Variants in PRELID2 observed in about 807,000 individuals in gnomAD.
PRELID2 encodes PRELI domain containing 2.
A neutral mutation model predicts 28.4 loss-of-function variants in PRELID2; 25 were observed. The ratio of observed to expected loss-of-function variants is 0.88; its 90% CI spans 0.64 to 1.23. The LOEUF is 1.23. PRELID2 is among the 50% of genes most tolerant of loss of function. The pLI, the probability that PRELID2 is intolerant of heterozygous loss-of-function variation, is 0.00. For synonymous variants in PRELID2, 76 were observed against 71.6 expected, an observed-to-expected ratio of 1.06 and a Z score of -0.31; for missense variants, 201 against 214.4, an observed-to-expected ratio of 0.94 and a Z score of 0.39.
chr5:145,497,150 C>A (rs1752316444), intron 1 of PRELID2, among the ~76,000 whole-genome samples: 1 of 152,162 alleles, frequency 6.6e-6, no homozygotes, highest in Admixed American at 6.5e-5. Flanking sequence ...AGGCATGAGC[C>A]ACCATGCCCA....
At chr5:145,423,453 C>T in the PRELID2 span, among the ~76,000 whole-genome samples, 1,052 of 152,224 alleles carry the variant, frequency 6.9e-3, 10 homozygotes, top group Admixed American at 0.014. Context: ...TCTTTTTTCT[C>T]TGGACTTCCC....
At chr5:145,259,280 G>A in the PRELID2 span, among the ~76,000 whole-genome samples, 31 of 152,198 alleles carry the variant, frequency 2.0e-4, no homozygotes, top group Non-Finnish European at 1.3e-4. Flanking sequence ...CTGGGGCACT[G>A]CCTAGTGGAG....
At chr5:145,641,924 T>G (rs1754114062) in intron 1 of PRELID2, among the ~76,000 whole-genome samples, 1 of 152,242 alleles carries the variant, frequency 6.6e-6, no homozygotes, top group Non-Finnish European at 1.5e-5. Context: ...TTGATGGACA[T>G]TTGGGTTGGT....
chr5:145,700,906 T>C (rs953494349), intron 1 of PRELID2, among the ~76,000 whole-genome samples: 5 of 152,006 alleles, frequency 3.3e-5, no homozygotes, highest in Non-Finnish European at 7.4e-5. Flanking sequence ...ACAGAGACTA[T>C]GGCTGCCCAT....
rs756228005 is a variant in PRELID2, at chr5:145,759,514, T to G, written c.*1022A>C. ...GCTTCCATTTCCTGGACTTCTACTA[T>G]GTACTAGGCAGTGTGCTAGGTACTT... is the stretch of plus-strand genomic sequence containing the variant. On this transcript the variant is annotated 3_prime_UTR_variant, in exon 7 of 7. Transcript: ENST00000683046. 14 of 152,244 alleles carry G rather than the reference T, an allele frequency of 9.2e-5. No homozygotes were observed. The highest frequency in any genetic ancestry group is 2.6e-4 in the Admixed American group (4 of 15,278). The allele number at this position is 152,244 out of a possible 1,614,324, so 9.4% of individuals were successfully genotyped here.
At chr5:145,415,955 T>C in the PRELID2 span, among the ~76,000 whole-genome samples, 12 of 152,218 alleles carry the variant, frequency 7.9e-5, no homozygotes, top group South Asian at 2.3e-3. Flanking sequence ...GTTTCCTGAC[T>C]TTTTAATGAT....
the PRELID2 span, among the ~76,000 whole-genome samples, chr5:145,352,133 A>G: frequency 1.3e-5 from 2 of 151,758 alleles, no homozygotes; most frequent in East Asian, 3.9e-4. Flanking sequence ...TTCTCCTCAC[A>G]CCTCCTCTAG....
At chr5:145,280,491 G>A in the PRELID2 span, among the ~76,000 whole-genome samples, 6 of 152,170 alleles carry the variant, frequency 3.9e-5, no homozygotes, top group East Asian at 1.2e-3. Flanking sequence ...ATGCATGTGA[G>A]TGTCTATGTA....
At chr5:145,551,294 G>A (rs7731273) in intron 1 of PRELID2, among the ~76,000 whole-genome samples, 1,838 of 151,958 alleles carry the variant, frequency 0.012, 45 homozygotes, top group African/African-American at 0.042. Context: ...CCAGCTACTC[G>A]GGAGGCTGAG....
intron 1 of PRELID2, among the ~76,000 whole-genome samples, chr5:145,695,620 G>A (rs998143431): frequency 6.6e-6 from 1 of 152,136 alleles, no homozygotes; most frequent in African/African-American, 2.4e-5. Flanking sequence ...TTGCAGGTAG[G>A]CTGCAATGAT....
chr5:145,817,220 A>T (rs142382686), intron 4 of PRELID2, among the ~76,000 whole-genome samples: 20,782 of 58,500 alleles, frequency 0.36, 5,680 homozygotes, highest in Non-Finnish European at 0.58. Flanking sequence ...AATAAAAAAA[A>T]ATATATATAT....
At chr5:145,812,457 T>C (rs1581252827) in intron 4 of PRELID2, among the ~76,000 whole-genome samples, 1 of 152,334 alleles carries the variant, frequency 6.6e-6, no homozygotes, top group East Asian at 1.9e-4. Flanking sequence ...GCCATCTTAC[T>C]TCATACAAGT....
downstream of PRELID2, among the ~76,000 whole-genome samples, chr5:145,752,559 C>T (rs1757152152): frequency 6.6e-6 from 1 of 152,140 alleles, no homozygotes; most frequent in South Asian, 2.1e-4. Context: ...CACTATAGAC[C>T]TCCATGCTAC....
At chr5:145,517,152 T>G (rs966398842) in intron 1 of PRELID2, among the ~76,000 whole-genome samples, 1 of 152,004 alleles carries the variant, frequency 6.6e-6, no homozygotes, top group Non-Finnish European at 1.5e-5. Context: ...CTAATTAAAC[T>G]AAAGAGCTTC....
the PRELID2 span, among the ~76,000 whole-genome samples, chr5:145,281,396 T>A: frequency 6.6e-6 from 1 of 152,210 alleles, no homozygotes; most frequent in Non-Finnish European, 1.5e-5. Context: ...GGTGGTCAGA[T>A]GTAGATAGCC....
the PRELID2 span, among the ~76,000 whole-genome samples, chr5:145,389,362 T>C: frequency 6.6e-6 from 1 of 152,126 alleles, no homozygotes; most frequent in African/African-American, 2.4e-5. Context: ...GAATTGGTAA[T>C]GAGGCAACTC....
the PRELID2 span, among the ~76,000 whole-genome samples, chr5:145,305,814 C>G: frequency 2.0e-5 from 3 of 152,302 alleles, no homozygotes; most frequent in East Asian, 5.8e-4. Flanking sequence ...AACAGTTACT[C>G]TCATGACAAA....
At chr5:145,258,861 C>A in the PRELID2 span, among the ~76,000 whole-genome samples, 7 of 152,148 alleles carry the variant, frequency 4.6e-5, no homozygotes, top group African/African-American at 1.7e-4. Context: ...ATTTCAGAGA[C>A]CTTCAGGCCA....
intron 1 of PRELID2, among the ~76,000 whole-genome samples, chr5:145,712,920 A>G (rs986013855): frequency 6.6e-6 from 1 of 152,096 alleles, no homozygotes; most frequent in Non-Finnish European, 1.5e-5. Context: ...TATATTTGAT[A>G]GGGTTATCAG....
Sources: allele counts gnomAD v4.1 joint callset (sites outside exome capture counted in the v4.1 genomes callset), GRCh38; gene constraint gnomAD v4.1.1; transcripts MANE v1.5; gene names NCBI Gene and HGNC (gene_info 2026-07-23, HGNC 2026-07-21).